The following JDP2 variants were observed in gnomAD, a reference collection of about 807,000 sequenced individuals.
JDP2 encodes the protein Jun dimerization protein 2.
In JDP2, 9 loss-of-function variants were observed where a neutral mutation model predicts 17.1. The observed-to-expected ratio is 0.53, with a 90% CI of 0.32 to 0.92. JDP2 has a LOEUF of 0.92. Ranked by LOEUF, JDP2 falls within the 40% of genes least tolerant of loss-of-function variation. The pLI, the probability that JDP2 is intolerant of heterozygous loss-of-function variation, is 0.04. For synonymous variants in JDP2, 107 were observed against 95.6 expected, an observed-to-expected ratio of 1.12 and a Z score of -0.69; for missense variants, 179 against 220.0, an observed-to-expected ratio of 0.81 and a Z score of 1.18.
intron 2 of JDP2, among the ~76,000 whole-genome samples, chr14:75,460,412 A>AGT (rs1886301409): frequency 6.6e-6 from 1 of 152,206 alleles, no homozygotes; most frequent in African/African-American, 2.4e-5. Context: ...CCAAGAAAGG[A>AGT]ACATTGGGTA....
chr14:75,443,237 G>C (rs1885439253), intron 2 of JDP2, among the ~76,000 whole-genome samples: 1 of 152,154 alleles, frequency 6.6e-6, no homozygotes, highest in African/African-American at 2.4e-5. Context: ...TCCATGTTTA[G>C]CCTGAGCAGA....
At chr14:75,452,745 G>A (rs1027210923) in intron 2 of JDP2, among the ~76,000 whole-genome samples, 3 of 152,094 alleles carry the variant, frequency 2.0e-5, no homozygotes, top group African/African-American at 7.2e-5. Context: ...GGTGGCCACC[G>A]CCCCATCCAG....
chr14:75,432,342 A>G (rs1408550595), intron 1 of JDP2: 2 of 1,551,370 alleles, frequency 1.3e-6, no homozygotes, highest in Non-Finnish European at 1.7e-6. Context: ...AGCAGGTACT[A>G]TGCGCCATGA....
intron 2 of JDP2, among the ~76,000 whole-genome samples, chr14:75,461,044 A>G (rs1190988042): frequency 6.6e-6 from 1 of 152,228 alleles, no homozygotes; most frequent in East Asian, 1.9e-4. Flanking sequence ...ATTTCCTTTT[A>G]TAACAAATCC....
At chr14:75,451,338 G>A (rs1439364558) in intron 2 of JDP2, among the ~76,000 whole-genome samples, 1 of 151,890 alleles carries the variant, frequency 6.6e-6, no homozygotes, top group Non-Finnish European at 1.5e-5. Flanking sequence ...GAGCAAATCT[G>A]ACGAAGATTT....
chr14:75,464,635 G>A (rs1258914893), intron 3 of JDP2, among the ~76,000 whole-genome samples: 1 of 152,186 alleles, frequency 6.6e-6, no homozygotes, highest in African/African-American at 2.4e-5. Context: ...GCTACTGAGA[G>A]ACAACTGTAT....
chr14:75,452,986 C>G (rs980540995), intron 2 of JDP2, among the ~76,000 whole-genome samples: 2 of 152,216 alleles, frequency 1.3e-5, no homozygotes, highest in Admixed American at 1.3e-4. Context: ...TCCAACAGCT[C>G]AGCCCCATGG....
intron 1 of JDP2, among the ~76,000 whole-genome samples, chr14:75,433,943 C>T (rs1192252164): frequency 6.6e-6 from 1 of 152,160 alleles, no homozygotes; most frequent in Non-Finnish European, 1.5e-5. Flanking sequence ...TTTCAGACCT[C>T]CTGGGCCCTG....
rs1334833582 is a variant in JDP2 at position 75,428,402 on chromosome 14, C to A, written c.-24+150C>A. The A allele has an allele frequency of 2.0e-5, 3 of 151,422 alleles. No homozygotes were observed. The highest frequency in any genetic ancestry group is 4.4e-5 in the Non-Finnish European group (3 of 67,750). 9.4% of individuals were successfully genotyped at this position (151,422 alleles called of 1,614,324 possible). A position where few individuals can be genotyped will look rare whatever the true frequency, so the allele number is the denominator to read the frequency against. Reference sequence around the variant, plus strand: ...GGAGGCTCCCGCAGCCCAGGGACCTCGAGCTTTCCCCGCGCCGGGCGCTGC... The same window carrying A: ...GGAGGCTCCCGCAGCCCAGGGACCTAGAGCTTTCCCCGCGCCGGGCGCTGC... On this transcript the variant is annotated intron_variant, in intron 1 of 3. Transcript: ENST00000651602. This position sits in a 1 kb window ranked among gnomAD's most constrained non-coding sequence, Gnocchi z 5.6.
chr14:75,466,709 G>A (rs148718245), intron 3 of JDP2, among the ~76,000 whole-genome samples: 135 of 152,216 alleles, frequency 8.9e-4, no homozygotes, highest in African/African-American at 2.8e-3. Flanking sequence ...GCTTCCCCTT[G>A]CATGTCCAGT....
Position 75,473,307 on chromosome 14 carries a change from C to G in JDP2, c.*3832C>G, listed in dbSNP as rs1417633256. On this transcript the variant is annotated 3_prime_UTR_variant, in exon 4 of 4. Coordinates refer to ENST00000651602, the MANE Select transcript of JDP2 (RefSeq NM_001135048.2). Reference sequence around the variant, plus strand: ...TGAGCCAAGATTGCGCCACTGCACTCCAGCCTGGGTGACAGAGCGAGACTC... The same window carrying G: ...TGAGCCAAGATTGCGCCACTGCACTGCAGCCTGGGTGACAGAGCGAGACTC... The G allele has an allele frequency of 6.6e-6, 1 of 152,094 alleles. No homozygotes were observed. The highest frequency in any genetic ancestry group is 1.5e-5 in the Non-Finnish European group (1 of 68,026). The allele number at this position is 152,094 out of a possible 1,614,324, so 9.4% of individuals were successfully genotyped here.
chr14:75,437,950 G>C lies in JDP2; in HGVS notation c.30G>C (p.Ser10=), dbSNP rs756416465. 1 of 1,612,724 alleles carries C rather than the reference G, an allele frequency of 6.2e-7. No homozygotes were observed. Among genetic ancestry groups the C allele is most frequent in the South Asian group, 1.1e-5 (1 of 90,752 alleles). The change falls in exon 2 of 4, where the codon TCG becomes TCC. Residue 10 remains serine, a synonymous_variant. Transcript: ENST00000651602. MMPGQIPDP[S]VTTGSLPGLG... is the part of the protein sequence containing the mutation. ...TGCCTGGGCAGATCCCGGACCCTTC[G>C]GTGACCACAGGCTCCCTGCCAGGGC... is the stretch of plus-strand genomic sequence containing the variant.
At chr14:75,447,143 T>C (rs1384836736) in intron 2 of JDP2, among the ~76,000 whole-genome samples, 1 of 152,212 alleles carries the variant, frequency 6.6e-6, no homozygotes, top group East Asian at 1.9e-4. Flanking sequence ...AAAATATTGA[T>C]CCTGATTCAG....
chr14:75,447,646 T>C (rs1885660619), intron 2 of JDP2, among the ~76,000 whole-genome samples: 1 of 152,120 alleles, frequency 6.6e-6, no homozygotes, highest in Admixed American at 6.5e-5. Flanking sequence ...TGAGGCACTA[T>C]CTATTATCTG....
intron 2 of JDP2, chr14:75,445,046 T>C (rs753223047): frequency 2.5e-4 from 245 of 962,188 alleles, no homozygotes; most frequent in Non-Finnish European, 3.0e-4. Context: ...AGAAGGGCTG[T>C]CAAGTCTTCT....
intron 2 of JDP2, among the ~76,000 whole-genome samples, chr14:75,439,128 G>A (rs1885217415): frequency 6.6e-6 from 1 of 152,170 alleles, no homozygotes; most frequent in Non-Finnish European, 1.5e-5. Context: ...AAGTGCTGGA[G>A]AGAGGACTTT....
chr14:75,454,171 C>CATCCCCTCCTTTAA (rs1470080356), intron 2 of JDP2, among the ~76,000 whole-genome samples: 7 of 53,416 alleles, frequency 1.3e-4, no homozygotes, highest in African/African-American at 2.0e-4. Flanking sequence ...GAGCTGGTGA[C>CATCCCCTCCTTTAA]GTCCCCTCCT....
At chr14:75,464,343 C>A (rs1886476106) in intron 3 of JDP2, among the ~76,000 whole-genome samples, 1 of 152,144 alleles carries the variant, frequency 6.6e-6, no homozygotes, top group South Asian at 2.1e-4. Context: ...CTACAGGCGG[C>A]CTTTCATAGC....
intron 2 of JDP2, among the ~76,000 whole-genome samples, chr14:75,451,157 A>C (rs536068297): frequency 1.3e-5 from 2 of 152,326 alleles, no homozygotes; most frequent in African/African-American, 4.8e-5. Flanking sequence ...CTTGGGCCTC[A>C]TCCGGAGGGT....
Sources: gnomAD v4.1 joint callset for allele counts (sites outside exome capture counted in the v4.1 genomes callset) on GRCh38, gnomAD v4.1.1 for gene constraint, Gnocchi (gnomAD v3.1) non-coding constraint, MANE v1.5 for transcripts, NCBI Gene and HGNC (gene_info 2026-07-23, HGNC 2026-07-21) for gene names.